The following DYNC2H1 variants were observed in gnomAD, a reference collection of about 807,000 sequenced individuals.
DYNC2H1 encodes the protein dynein cytoplasmic 2 heavy chain 1.
Under a neutral mutation model 570.0 loss-of-function variants are expected in DYNC2H1, and 410 were observed. The ratio of observed to expected loss-of-function variants is 0.72; its 90% confidence interval spans 0.66 to 0.78. DYNC2H1 has a LOEUF of 0.78. Among genes scored for constraint, DYNC2H1 ranks in the 30% least tolerant of loss-of-function variants. DYNC2H1 has a pLI of 0.00. For missense variants in DYNC2H1, 4,865 were observed against 5,046.4 expected (o/e 0.96, Z 1.09); for synonymous variants, 1,688 against 1,677.6 (o/e 1.01, Z -0.15).
chr11:103,453,098 G>A lies in DYNC2H1; in HGVS notation c.12457-2088G>A, dbSNP rs549089421. 2.0e-4 allele frequency among the ~76,000 whole-genome samples: 30 copies of A among 150,150 alleles called. No individual in the cohort carries two copies. In the East Asian group the frequency reaches 4.0e-3, roughly 20 times the overall value. ...ATTCACTTACTTCCATGTTATATCCGTTATATGCCATTTGAAGAATTATGA... is the reference window on the plus strand; with the variant it reads ...ATTCACTTACTTCCATGTTATATCCATTATATGCCATTTGAAGAATTATGA... On this transcript the variant is annotated intron_variant, in intron 85 of 88. Coordinates refer to ENST00000375735, the MANE Select transcript of DYNC2H1 (RefSeq NM_001377.3).
rs552087968 is a variant in DYNC2H1, at chr11:103,475,642, G to T, written c.12766-3453G>T. On this transcript the variant is annotated intron_variant, in intron 88 of 88. Transcript: ENST00000375735. ...AGTGACAAAATATCAAGAAGCCACT[G>T]TATTGCTTTGCTTTAAAACACTGTA... Among the ~76,000 whole-genome samples, 8 of 152,214 alleles carry T rather than the reference G, an allele frequency of 5.3e-5. No individual in the cohort carries two copies. In the South Asian group the frequency reaches 1.7e-3, roughly 32 times the overall value.
chr11:103,471,327 C>G (rs182030229), intron 88 of DYNC2H1, among the ~76,000 whole-genome samples: 345 of 152,258 alleles, frequency 2.3e-3, no homozygotes, highest in African/African-American at 7.6e-3. Flanking sequence ...GAATGTCTGT[C>G]CCATATCAGC....
chr11:103,347,927 C>G (rs1298439544), intron 82 of DYNC2H1, among the ~76,000 whole-genome samples: 1 of 152,034 alleles, frequency 6.6e-6, no homozygotes, highest in African/African-American at 2.4e-5. Flanking sequence ...TCTTTGCTCT[C>G]TTGAAAGGCA....
chr11:103,180,856 C>G (rs1347986210), intron 39 of DYNC2H1, among the ~76,000 whole-genome samples: 2 of 151,278 alleles, frequency 1.3e-5, no homozygotes, highest in Non-Finnish European at 3.0e-5. Context: ...TTATTAACCT[C>G]TTTGATATTT....
intron 70 of DYNC2H1, among the ~76,000 whole-genome samples, chr11:103,265,364 A>C (rs755228791): frequency 6.6e-6 from 1 of 152,224 alleles, no homozygotes; most frequent in Non-Finnish European, 1.5e-5. Flanking sequence ...AGTATCCCAG[A>C]ACTTAAGTAA....
At position 103,282,222 on chromosome 11, in the gene DYNC2H1, G is replaced by A. The variant is rs1263873884; in HGVS notation, c.10805G>A (p.Arg3602Gln). ...FTGVVVGDMLRKADSQQKIRD... is the reference protein window; with the variant it reads ...FTGVVVGDMLQKADSQQKIRD... ...GGTGTGGTTGTTGGAGACATGTTACGGAAAGCTGTAAGTTAAAATAACAAA... is the reference window on the plus strand; with the variant it reads ...GGTGTGGTTGTTGGAGACATGTTACAGAAAGCTGTAAGTTAAAATAACAAA... The change falls in exon 72 of 89, where the codon CGG becomes CAG. Residue 3602 changes from arginine (R) to glutamine (Q), a missense_variant. Physicochemically the swap from Arg to Gln is conservative, Grantham distance 43. Around this residue, in one of 5 missense-constraint regions of DYNC2H1, gnomAD observed 2,401 missense variants for 2,454.6 expected, o/e 0.98. Coordinates refer to ENST00000375735, the MANE Select transcript of DYNC2H1 (RefSeq NM_001377.3). The A allele has an allele frequency of 6.2e-6, 10 of 1,607,554 alleles. No homozygotes were observed. Among genetic ancestry groups the A allele is most frequent in the East Asian group, 2.2e-5 (1 of 44,458 alleles).
At chr11:103,196,029 A>T (rs1359136620) in intron 47 of DYNC2H1, among the ~76,000 whole-genome samples, 1 of 152,206 alleles carries the variant, frequency 6.6e-6, no homozygotes, top group African/African-American at 2.4e-5. Flanking sequence ...TAGTGCAGAG[A>T]GAGATAGAAG....
chr11:103,380,448 C>CA lies in DYNC2H1; in HGVS notation c.12157-19208dup, dbSNP rs538734243. On this transcript the variant is annotated intron_variant, in intron 83 of 88. Coordinates refer to ENST00000375735, the MANE Select transcript of DYNC2H1 (RefSeq NM_001377.3). ...GCTAAAGATTATACCAATACACACA[C>CA]AAAAAAAGAGTACAGGTATTACAGT... Among the ~76,000 whole-genome samples, 460 of 152,108 alleles carry CA rather than the reference C, an allele frequency of 3.0e-3. 2 individuals carry two copies. The highest frequency in any genetic ancestry group is 5.5e-3 in the Non-Finnish European group (372 of 67,972).
rs931064191 is a variant in DYNC2H1 at position 103,239,382 on chromosome 11, A to G, written c.9819+2843A>G. On this transcript the variant is annotated intron_variant, in intron 63 of 88. Coordinates refer to ENST00000375735, the MANE Select transcript of DYNC2H1 (RefSeq NM_001377.3). This position sits in a 1 kb window ranked among gnomAD's most constrained non-coding sequence, Gnocchi z 4.3. ...TTCAATCCTTACATAAGTAATAACA[A>G]TAATCAATACTTGCGTATTACTTAC... Among the ~76,000 whole-genome samples the G allele has an allele frequency of 1.3e-5, 2 of 152,208 alleles. No individual in the cohort carries two copies. Among genetic ancestry groups the G allele is most frequent in the Non-Finnish European group, 2.9e-5 (2 of 68,044 alleles).
intron 84 of DYNC2H1, among the ~76,000 whole-genome samples, chr11:103,424,705 CAA>C (rs72076859): frequency 6.1e-5 from 8 of 130,974 alleles, no homozygotes; most frequent in Admixed American, 7.7e-5. Flanking sequence ...ACTGGCTCTC[CAA>C]AAAAAAAAAA....
At chr11:103,336,571 A>T (rs1939143631) in intron 82 of DYNC2H1, among the ~76,000 whole-genome samples, 1 of 152,076 alleles carries the variant, frequency 6.6e-6, no homozygotes, top group African/African-American at 2.4e-5. Flanking sequence ...GTCTTTCTGT[A>T]CCTGGCTTAT....
Position 103,200,113 on chromosome 11 carries a change from A to T in DYNC2H1, c.8156A>T (p.His2719Leu). The change falls in exon 50 of 89, where the codon CAT becomes CTT. Residue 2719 changes from histidine to leucine, a missense_variant. His to Leu is a moderately conservative substitution (Grantham distance 99). Around this residue, in one of 5 missense-constraint regions of DYNC2H1, gnomAD observed 2,401 missense variants for 2,454.6 expected, o/e 0.98. Coordinates refer to ENST00000375735, the MANE Select transcript of DYNC2H1 (RefSeq NM_001377.3). ...CTTCTTGAGGATTACCAGTTTGTAC[A>T]TCCTACATTTTTGGAGATGATCAAT... ...VLLLEDYQFV[H>L]PTFLEMINSL... is the part of the protein sequence containing the mutation. 6.3e-7 allele frequency: 1 copy of T among 1,587,306 alleles called. No individual in the cohort carries two copies. Among genetic ancestry groups the T allele is most frequent in the Non-Finnish European group, 8.6e-7 (1 of 1,165,886 alleles).
chr11:103,404,064 C>G (rs1942759644), intron 84 of DYNC2H1: 1 of 151,808 alleles, frequency 6.6e-6, no homozygotes, highest in Non-Finnish European at 1.5e-5. Flanking sequence ...GACCAGGGAA[C>G]TAATTAGGAA....
Position 103,177,875 on chromosome 11 carries a change from T to C in DYNC2H1, c.6139+55T>C. Reference sequence around the variant, plus strand: ...ACTTAGTAATTCTTAGATAATGATATAATTTGTCTATAATGCTGTCTTTGT... The same window carrying C: ...ACTTAGTAATTCTTAGATAATGATACAATTTGTCTATAATGCTGTCTTTGT... On this transcript the variant is annotated intron_variant, in intron 38 of 88. Transcript: ENST00000375735. The surrounding 1 kb of genome is among the most constrained non-coding windows in gnomAD (Gnocchi z 4.4). The C allele has an allele frequency of 6.5e-7, 1 of 1,533,080 alleles. No individual in the cohort carries two copies. The highest frequency in any genetic ancestry group is 8.7e-7 in the Non-Finnish European group (1 of 1,144,294). 95.0% of individuals were successfully genotyped at this position (1,533,080 alleles called of 1,614,324 possible). A position where few individuals can be genotyped will look rare whatever the true frequency, so the allele number is the denominator to read the frequency against.
At chr11:103,258,732 T>C (rs659168) in intron 69 of DYNC2H1, among the ~76,000 whole-genome samples, 37,104 of 152,124 alleles carry the variant, frequency 0.24, 5,064 homozygotes, top group African/African-American at 0.38. Flanking sequence ...CCTTTTAAAA[T>C]GCAGCCTTAG....
At chr11:103,470,884 A>G (rs953960948) in intron 88 of DYNC2H1, among the ~76,000 whole-genome samples, 1 of 152,154 alleles carries the variant, frequency 6.6e-6, no homozygotes, top group Non-Finnish European at 1.5e-5. Flanking sequence ...ATACGTGTGC[A>G]TGTGTCTTTA....
chr11:103,309,166 C>CTTTTTTTTTTTTTTT (rs1274431520), intron 78 of DYNC2H1, among the ~76,000 whole-genome samples: 2 of 56,538 alleles, frequency 3.5e-5, no homozygotes, highest in African/African-American at 5.2e-5. Flanking sequence ...TAACTGCATG[C>CTTTTTTTTTTTTTTT]TATTTTTTTT....
chr11:103,250,627 C>G (rs1241757714), intron 65 of DYNC2H1, among the ~76,000 whole-genome samples: 1 of 152,040 alleles, frequency 6.6e-6, no homozygotes, highest in African/African-American at 2.4e-5. Flanking sequence ...TATTTCATTC[C>G]TATCACTTCT....
chr11:103,425,237 T>TTAAA (rs1310834945), intron 84 of DYNC2H1, among the ~76,000 whole-genome samples: 1 of 152,108 alleles, frequency 6.6e-6, no homozygotes, highest in Non-Finnish European at 1.5e-5. Context: ...CTGGCCCAGC[T>TTAAA]TAAATAAACA....
Sources: allele counts gnomAD v4.1 joint callset (sites outside exome capture counted in the v4.1 genomes callset), GRCh38; gene constraint gnomAD v4.1.1; regional missense constraint gnomAD v4.1.1; non-coding constraint Gnocchi (gnomAD v3.1); transcripts MANE v1.5; gene names NCBI Gene and HGNC (gene_info 2026-07-23, HGNC 2026-07-21).